TTLL8: variants seen among roughly 807,000 people sequenced by gnomAD.
The protein encoded by TTLL8 is tubulin tyrosine ligase like 8.
In TTLL8, 65 loss-of-function variants were observed where a neutral mutation model predicts 77.8. That is an observed-to-expected ratio of 0.84 (90% CI 0.68 to 1.03). TTLL8 has a LOEUF of 1.03. Ranked by LOEUF, TTLL8 falls within the 50% of genes least tolerant of loss-of-function variation. The probability of loss-of-function intolerance (pLI) is 0.00; values close to 1 mark genes in which losing one functional copy is unlikely to be tolerated. For synonymous variants in TTLL8, 402 were observed against 422.8 expected, an observed-to-expected ratio of 0.95 and a Z score of 0.60; for missense variants, 910 against 1,004.5, an observed-to-expected ratio of 0.91 and a Z score of 1.27.
At chr22:50,049,142 C>T (rs753043467) in intron 3 of TTLL8, 107 bp downstream of exon 5, 28 of 1,326,596 alleles carry the variant, frequency 2.1e-5, no homozygotes, top group South Asian at 6.1e-5. Flanking sequence ...TTGCCCTCGC[C>T]GGGCTGCCAT....
intron 12 of TTLL8, among the ~76,000 whole-genome samples, chr22:50,026,649 G>A (rs925192041): frequency 2.1e-4 from 32 of 152,368 alleles, no homozygotes; most frequent in African/African-American, 7.7e-4. Context: ...TTGGAGAAGA[G>A]ACTAGAAAAG....
chr22:50,030,203 C>T, intron 12 of TTLL8: 2 of 985,408 alleles, frequency 2.0e-6, no homozygotes, highest in Non-Finnish European at 2.4e-6. Flanking sequence ...ATCCACCTGG[C>T]CGGCACTCCC....
chr22:50,043,264 G>A (rs1050665517), intron 6 of TTLL8, among the ~76,000 whole-genome samples: 1 of 149,912 alleles, frequency 6.7e-6, no homozygotes, highest in Non-Finnish European at 1.5e-5. Flanking sequence ...GTGGTGCCGA[G>A]ACGTCCTTCG....
intron 5 of TTLL8, 47 bp from the exon 8 acceptor site, chr22:50,045,436 G>A (rs1179783289): frequency 1.5e-6 from 2 of 1,352,812 alleles, no homozygotes; most frequent in South Asian, 2.3e-5. Flanking sequence ...GCCAGGACTG[G>A]GGACTGGAGA....
Position 50,034,916 on chromosome 22 carries a change from C to A in TTLL8, c.922-454G>T, listed in dbSNP as rs188353727. 7.9e-5 allele frequency among the ~76,000 whole-genome samples: 12 copies of A among 152,302 alleles called. No homozygotes were observed. Among genetic ancestry groups the A allele is most frequent in the South Asian group, 2.1e-4 (1 of 4,828 alleles). On this transcript the variant is annotated intron_variant, in intron 8 of 13. Coordinates refer to ENST00000266182, the Ensembl canonical transcript of TTLL8. The surrounding 1 kb of genome is among the most constrained non-coding windows in gnomAD (Gnocchi z 4.1). ...GACCGACCCCTGGTAGGAAAGTGGC[C>A]GGCCCGTGCAGGCCTCCTGTGTCCC...
chr22:50,029,583 T>TG (rs2146640932), intron 12 of TTLL8, among the ~76,000 whole-genome samples: 1 of 151,906 alleles, frequency 6.6e-6, no homozygotes, highest in South Asian at 2.1e-4. Context: ...TACTAAAAAT[T>TG]AGCCGGGCGC....
chr22:50,054,734 T>C (rs2061462023), upstream of TTLL8: 1 of 175,792 alleles, frequency 5.7e-6, no homozygotes, highest in Admixed American at 6.1e-5. Flanking sequence ...CAGAGAAGCA[T>C]TGCTTCTTTC....
chr22:50,043,265 A>T (rs1385346737), intron 6 of TTLL8, among the ~76,000 whole-genome samples: 2 of 151,720 alleles, frequency 1.3e-5, no homozygotes, highest in Non-Finnish European at 2.9e-5. Flanking sequence ...TGGTGCCGAG[A>T]CGTCCTTCGG....
At chr22:50,056,834 G>C, upstream of TTLL8, 1 of 1,289,646 alleles carries the variant, frequency 7.8e-7, no homozygotes. The surrounding 1 kb of genome is among the most constrained non-coding windows in gnomAD (Gnocchi z 4.1). Flanking sequence ...CACTCTGGGC[G>C]AGTGGCTGGC....
chr22:50,023,756 C>T (rs555169991), intron 12 of TTLL8, among the ~76,000 whole-genome samples: 1 of 148,456 alleles, frequency 6.7e-6, no homozygotes, highest in South Asian at 2.2e-4. Flanking sequence ...TGCGGTGGCT[C>T]ACGCCTGTAA....
intron 8 of TTLL8, among the ~76,000 whole-genome samples, chr22:50,039,300 G>A (rs57160329): frequency 0.04 from 6,113 of 152,080 alleles, 355 homozygotes; most frequent in African/African-American, 0.14. Flanking sequence ...ATCCTCCTTT[G>A]TAGGAAAGTT....
At chr22:50,040,359 A>T (rs1015352628) in intron 8 of TTLL8, among the ~76,000 whole-genome samples, 1 of 151,812 alleles carries the variant, frequency 6.6e-6, no homozygotes, top group Non-Finnish European at 1.5e-5. Flanking sequence ...GACCTCACAG[A>T]TCTCATGTGT....
rs1046140698 is a variant in TTLL8, at chr22:50,041,544, A to C, written c.830+77T>G. 1 of 1,247,914 alleles carries C rather than the reference A, an allele frequency of 8.0e-7. No homozygotes were observed. Among genetic ancestry groups the C allele is most frequent in the African/African-American group, 1.6e-5 (1 of 64,078 alleles). The allele number at this position is 1,247,914 out of a possible 1,614,324, so 77.3% of individuals were successfully genotyped here. A position where few individuals can be genotyped will look rare whatever the true frequency, so the allele number is the denominator to read the frequency against. ...CCCAGACAGGTGACCCAGTTCCCAG[A>C]GGCTGCACTGCCCCGGCAGCTCCTG... On this transcript the variant is annotated intron_variant, in intron 7 of 13. Transcript: ENST00000266182. This position sits in a 1 kb window ranked among gnomAD's most constrained non-coding sequence, Gnocchi z 4.3.
intron 3 of TTLL8, among the ~76,000 whole-genome samples, chr22:50,047,674 C>T (rs1176569523): frequency 6.6e-6 from 1 of 152,184 alleles, no homozygotes; most frequent in East Asian, 1.9e-4. Flanking sequence ...TACCATGGGC[C>T]CTGCACACCC....
chr22:50,035,489 GGACT>G (rs932851487), intron 8 of TTLL8, among the ~76,000 whole-genome samples: 25 of 152,310 alleles, frequency 1.6e-4, no homozygotes, highest in African/African-American at 5.8e-4. Flanking sequence ...TCCCAGGGAA[GGACT>G]GAAGGCGACC....
intron 4 of TTLL8, among the ~76,000 whole-genome samples, chr22:50,046,621 GC>G (rs1336031117): frequency 3.3e-5 from 5 of 152,206 alleles, no homozygotes; most frequent in Admixed American, 3.3e-4. Context: ...CTGCACCTCC[GC>G]CCCACACTGT....
chr22:50,023,648 G>A (rs2061216525), intron 12 of TTLL8, among the ~76,000 whole-genome samples: 1 of 152,104 alleles, frequency 6.6e-6, no homozygotes, highest in Non-Finnish European at 1.5e-5. Flanking sequence ...TCGCACCGCT[G>A]CACTCCAGCC....
At position 50,036,010 on chromosome 22, in the gene TTLL8, G is replaced by A. The variant is rs143661839; in HGVS notation, c.922-1548C>T. On this transcript the variant is annotated intron_variant, in intron 8 of 13. Transcript: ENST00000266182. The stretch of plus-strand genomic sequence containing the variant: ...CTGCTCAGGAGCCCAGCGGAGCACC[G>A]CGCAGGAGCTGGCAAAGTCCAGGAA... Among the ~76,000 whole-genome samples, 6 of 152,350 alleles carry A rather than the reference G, an allele frequency of 3.9e-5. No homozygotes were observed. The East Asian group carries it at 7.7e-4, about 20-fold the overall frequency.
At chr22:50,035,551 G>A (rs750531258) in intron 8 of TTLL8, among the ~76,000 whole-genome samples, 11 of 152,218 alleles carry the variant, frequency 7.2e-5, no homozygotes, top group Admixed American at 1.3e-4. Flanking sequence ...CGCCTCCTCC[G>A]TGGTGAGCGC....
Sources: gnomAD v4.1 joint callset for allele counts (sites outside exome capture counted in the v4.1 genomes callset) on GRCh38, gnomAD v4.1.1 for gene constraint, Gnocchi (gnomAD v3.1) non-coding constraint, MANE v1.5 for transcripts, NCBI Gene and HGNC (gene_info 2026-07-23, HGNC 2026-07-21) for gene names.